Variants in DNHD1 observed in about 807,000 individuals in gnomAD.
DNHD1 encodes the protein dynein heavy chain domain 1.
Under a neutral mutation model 458.1 loss-of-function variants are expected in DNHD1, and 383 were observed. The observed-to-expected ratio is 0.84, with a 90% confidence interval of 0.77 to 0.91. The LOEUF is 0.91. Ranked by LOEUF, DNHD1 falls within the 40% of genes least tolerant of loss-of-function variation. The pLI is 0.00. For missense variants in DNHD1, 5,336 were observed against 5,866.1 expected (o/e 0.91, Z 2.95); for synonymous variants, 2,203 against 2,376.9 (o/e 0.93, Z 2.13).
chr11:6,552,261 C>T lies in DNHD1; in HGVS notation c.7387+3328C>T, dbSNP rs1252830748. Among the ~76,000 whole-genome samples the T allele has an allele frequency of 6.0e-5, 8 of 134,310 alleles. No individual in the cohort carries two copies. The East Asian group carries it at 6.0e-4, about 10-fold the overall frequency. The allele number at this position is 134,310 out of a possible 152,430, so 88.1% of individuals were successfully genotyped here. A position where few individuals can be genotyped will look rare whatever the true frequency, so the allele number is the denominator to read the frequency against. ...GGGTTAGGCCAGGCATGGTGGCTCA[C>T]GCCTGTAATCCCAGCACTTTGGGAG... On this transcript the variant is annotated intron_variant, in intron 24 of 42. Coordinates refer to ENST00000254579, the MANE Select transcript of DNHD1 (RefSeq NM_144666.3).
At position 6,498,726 on chromosome 11, in the gene DNHD1, C is replaced by T. The variant is rs765263595; in HGVS notation, c.511C>T (p.Gln171Ter). 26 of 1,614,066 alleles carry T rather than the reference C, an allele frequency of 1.6e-5. No homozygotes were observed. The highest frequency in any genetic ancestry group is 6.6e-5 in the South Asian group (6 of 91,086). ...PCPACPFVQA[Q>*]WSRQQVKEEL... ...CCCAGCTTGCCCTTTTGTGCAGGCC[C>T]AGTGGAGCAGGCAGCAAGTAAAGGA... is the stretch of plus-strand genomic sequence containing the variant. Residue 171 changes from glutamine (Q) to a stop codon, truncating the protein, a stop_gained, in exon 3 of 43, where the codon CAG (glutamine) becomes TAG (stop). Transcript: ENST00000254579. LOFTEE classifies it high-confidence loss of function.
At position 6,571,071 on chromosome 11, in the gene DNHD1, G is replaced by A. The variant is rs780991568; in HGVS notation, c.13559G>A (p.Arg4520His). The stretch of plus-strand genomic sequence containing the variant: ...GGCGCACCCCCGTGCCCCTCCCGCC[G>A]CTGTGCTGCGGTGGCCCACGCTCTC... ...LKGAPPCPSRRCAAVAHALWT... is the reference protein window; with the variant it reads ...LKGAPPCPSRHCAAVAHALWT... Residue 4520 changes from arginine (R) to histidine (H), a missense_variant, in exon 42 of 43, where the codon CGC becomes CAC. Physicochemically the swap from Arg to His is conservative, Grantham distance 29. Around this residue, in one of 4 missense-constraint regions of DNHD1, gnomAD observed 698 missense variants for 664.9 expected, o/e 1.05. Coordinates refer to ENST00000254579, the MANE Select transcript of DNHD1 (RefSeq NM_144666.3). This position sits in a 1 kb window ranked among gnomAD's most constrained non-coding sequence, Gnocchi z 5.0. 8.8e-6 allele frequency: 14 copies of A among 1,583,070 alleles called. No homozygotes were observed. In the Middle Eastern group the frequency reaches 6.7e-4, roughly 76 times the overall value.
chr11:6,547,757 G>C (rs1853255182), intron 21 of DNHD1, 91 bp downstream of exon 21: 1 of 1,486,350 alleles, frequency 6.7e-7, no homozygotes, highest in Non-Finnish European at 9.1e-7. Flanking sequence ...GTTCTTTGGT[G>C]GATCTGGGCC....
chr11:6,553,701 A>C (rs1242643650), intron 24 of DNHD1, among the ~76,000 whole-genome samples: 1 of 152,222 alleles, frequency 6.6e-6, no homozygotes, highest in Non-Finnish European at 1.5e-5. Flanking sequence ...TCTATATCCT[A>C]GTAACAAAAC....
chr11:6,544,215 T>G lies in DNHD1; in HGVS notation c.3723T>G (p.Ala1241=). 6.4e-7 allele frequency: 1 copy of G among 1,551,440 alleles called. No individual in the cohort carries two copies. The change falls in exon 19 of 43, where the codon GCT becomes GCG. Residue 1241 remains alanine (A), a synonymous_variant. Transcript: ENST00000254579. ...AGTCAGGAGATTTAAACAAAATAGC[T>G]TTGGAGTGGGTGGCCATCATGCATG... ...IEKSGDLNKI[A]LEWVAIMHGL... is the part of the protein sequence containing the mutation.
rs1033656281 is a variant in DNHD1, at chr11:6,514,687, ATTTCCTTTATCATTTATGCTC to A, written c.1392+3262_1392+3282del. Among the ~76,000 whole-genome samples the A allele has an allele frequency of 2.0e-4, 31 of 151,950 alleles. 1 individual carries two copies. Among genetic ancestry groups the A allele is most frequent in the East Asian group, 1.9e-4 (1 of 5,180 alleles). On this transcript the variant is annotated intron_variant, in intron 7 of 42. Coordinates refer to ENST00000254579, the MANE Select transcript of DNHD1 (RefSeq NM_144666.3). ...CTTTATATAGATTGTTATTTTTCCC[ATTTCCTTTATCATTTATGCTC>A]TTTTTTTATAAACATGTATACATTA...
intron 24 of DNHD1, among the ~76,000 whole-genome samples, chr11:6,551,797 T>C (rs370001186): frequency 3.3e-5 from 5 of 152,126 alleles, no homozygotes; most frequent in South Asian, 4.1e-4. Context: ...AAAAATTAGC[T>C]GGGCATGGTG....
intron 10 of DNHD1, among the ~76,000 whole-genome samples, chr11:6,524,311 T>C (rs952597845): frequency 2.0e-5 from 3 of 152,200 alleles, no homozygotes; most frequent in Admixed American, 6.5e-5. Flanking sequence ...GAAAGTAGAA[T>C]ATCAGGAAGA....
intron 4 of DNHD1, 105 bp from the exon 5 acceptor site, chr11:6,508,775 G>C: frequency 2.1e-6 from 2 of 970,226 alleles, no homozygotes; most frequent in Non-Finnish European, 1.5e-6. Context: ...CCTTTCTTCT[G>C]CCTGCCTTCC....
intron 16 of DNHD1, 71 bp downstream of exon 16, chr11:6,538,881 T>TTCCTGCTGC: frequency 7.4e-7 from 1 of 1,345,046 alleles, no homozygotes; most frequent in African/African-American, 1.5e-5. Context: ...GCAACTCAGT[T>TTCCTGCTGC]TCCTGCTGCT....
chr11:6,571,589 A>C lies in DNHD1; in HGVS notation c.13912-47A>C. 1 of 1,485,832 alleles carries C rather than the reference A, an allele frequency of 6.7e-7. No homozygotes were observed. The allele number at this position is 1,485,832 out of a possible 1,614,324, so 92.0% of individuals were successfully genotyped here. On this transcript the variant is annotated intron_variant, in intron 42 of 42. Coordinates refer to ENST00000254579, the MANE Select transcript of DNHD1 (RefSeq NM_144666.3). The surrounding 1 kb of genome is among the most constrained non-coding windows in gnomAD (Gnocchi z 5.0). ...CGCTAACCCCCACTTCCCACCTGCC[A>C]CCTCCCAGCTTCCTAGCCTTGCCTG...
intron 18 of DNHD1, among the ~76,000 whole-genome samples, 149 bp from the exon 19 acceptor site, chr11:6,543,958 CAAAAAAAAAAAAAA>C (rs34739231): frequency 1.6e-4 from 12 of 74,000 alleles, no homozygotes; most frequent in South Asian, 1.3e-3. Flanking sequence ...GACTCTGTCT[CAAAAAAAAAAAAAA>C]AAAAAAAAAA....
At chr11:6,527,898 C>G in intron 10 of DNHD1, among the ~76,000 whole-genome samples, 1 of 152,332 alleles carries the variant, frequency 6.6e-6, no homozygotes, top group Non-Finnish European at 1.5e-5. Context: ...AGAATATTCT[C>G]TAAGACAGAT....
intron 12 of DNHD1, 123 bp downstream of exon 12, chr11:6,529,244 G>A: frequency 9.5e-7 from 1 of 1,057,222 alleles, no homozygotes; most frequent in South Asian, 1.6e-5. Context: ...GACCTATGAA[G>A]CCTTCCAAAG....
At position 6,505,707 on chromosome 11, in the gene DNHD1, GT is replaced by G. The variant is rs1852218079; in HGVS notation, c.920+2784del. ...AGCCTCTAATATAGGATCTTCTTTG[GT>G]TTGGTAATGTCCTTGGCCTAAAACA... On this transcript the variant is annotated intron_variant, in intron 4 of 42. Coordinates refer to ENST00000254579, the MANE Select transcript of DNHD1 (RefSeq NM_144666.3). The surrounding 1 kb of genome is among the most constrained non-coding windows in gnomAD (Gnocchi z 4.4). Among the ~76,000 whole-genome samples, 1 of 152,174 alleles carries G rather than the reference GT, an allele frequency of 6.6e-6. No individual in the cohort carries two copies. Among genetic ancestry groups the G allele is most frequent in the Non-Finnish European group, 1.5e-5 (1 of 68,028 alleles).
At chr11:6,561,504 T>C (rs1000807570) in intron 28 of DNHD1, among the ~76,000 whole-genome samples, 5 of 152,154 alleles carry the variant, frequency 3.3e-5, no homozygotes, top group Admixed American at 2.6e-4. Context: ...CTTACCTTCA[T>C]GGTGCTTATA....
Position 6,557,361 on chromosome 11 carries a change from T to A in DNHD1, c.8066T>A (p.Leu2689Gln). 4.5e-6 allele frequency: 7 copies of A among 1,551,438 alleles called. No homozygotes were observed. Among genetic ancestry groups the A allele is most frequent in the Non-Finnish European group, 6.1e-6 (7 of 1,147,068 alleles). ...VFCCGPGPQH[L>Q]GKDHQESEEE... ...TGCTGTGGGCCAGGGCCCCAGCACCTGGGCAAGGACCATCAGGAGAGTGAG... is the reference window on the plus strand; with the variant it reads ...TGCTGTGGGCCAGGGCCCCAGCACCAGGGCAAGGACCATCAGGAGAGTGAG... Residue 2689 changes from leucine to glutamine, a missense_variant, in exon 25 of 43, where the codon CTG (leucine) becomes CAG (glutamine). Transcript: ENST00000254579.
In DNHD1 at chr11:6,559,200, A is replaced by G; in HGVS notation, c.9436A>G (p.Asn3146Asp). The G allele has an allele frequency of 6.4e-7, 1 of 1,551,582 alleles. No individual in the cohort carries two copies. The highest frequency in any genetic ancestry group is 8.7e-7 in the Non-Finnish European group (1 of 1,146,966). ...CTCCAGGGTCCAGAATGCCTTGGAGAATCTGAGAATGCTGATTAAGGAGCA... is the reference window on the plus strand; with the variant it reads ...CTCCAGGGTCCAGAATGCCTTGGAGGATCTGAGAATGCTGATTAAGGAGCA... ...KAQRVQNALE[N>D]LRMLIKEHGT... The change falls in exon 28 of 43, where the codon AAT becomes GAT. Residue 3146 changes from asparagine (N) to aspartate (D), a missense_variant. Physicochemically the swap from Asn to Asp is conservative, Grantham distance 23. Around this residue, in one of 4 missense-constraint regions of DNHD1, gnomAD observed 3,932 missense variants for 4,365.6 expected, o/e 0.90. Coordinates refer to ENST00000254579, the MANE Select transcript of DNHD1 (RefSeq NM_144666.3).
At chr11:6,525,504 CT>C (rs1481540885) in intron 10 of DNHD1, among the ~76,000 whole-genome samples, 5 of 152,252 alleles carry the variant, frequency 3.3e-5, no homozygotes, top group African/African-American at 1.2e-4. Context: ...ATACTATACT[CT>C]TTCCCTTCTA....
Sources: gnomAD v4.1 joint callset for allele counts (sites outside exome capture counted in the v4.1 genomes callset) on GRCh38, gnomAD v4.1.1 for gene constraint, gnomAD v4.1.1 regional missense constraint, Gnocchi (gnomAD v3.1) non-coding constraint, MANE v1.5 for transcripts, NCBI Gene and HGNC (gene_info 2026-07-23, HGNC 2026-07-21) for gene names.